MIPOL1: variants seen among roughly 807,000 people sequenced by gnomAD.
MIPOL1 encodes the protein mirror-image polydactyly gene 1 protein.
A neutral mutation model predicts 60.9 loss-of-function variants in MIPOL1; 57 were observed. The ratio of observed to expected loss-of-function variants is 0.94; its 90% CI spans 0.76 to 1.17. The LOEUF is 1.17. Among genes scored for constraint, MIPOL1 ranks in the 50% most tolerant of loss-of-function variants. The probability of loss-of-function intolerance (pLI) is 0.00; values close to 1 mark genes in which losing one functional copy is unlikely to be tolerated. For synonymous variants in MIPOL1, 179 were observed against 168.8 expected (o/e 1.06, Z -0.47); for missense variants, 551 against 511.6 (o/e 1.08, Z -0.74).
rs148709125 is a variant in MIPOL1, at chr14:37,432,998, G to C, written c.1031+10049G>C. On this transcript the variant is annotated intron_variant, in intron 11 of 12. Coordinates refer to ENST00000684589, the MANE Select transcript of MIPOL1 (RefSeq NM_001388067.1). The stretch of plus-strand genomic sequence containing the variant: ...CTCAAACAATTGTGGGGCCTGGCAA[G>C]TCTGAAAATCTCAGAGCAAGCCATC... Among the ~76,000 whole-genome samples, 3 of 152,322 alleles carry C rather than the reference G, an allele frequency of 2.0e-5. No individual in the cohort carries two copies. In the East Asian group the frequency reaches 5.8e-4, roughly 29 times the overall value.
intron 12 of MIPOL1, among the ~76,000 whole-genome samples, chr14:37,545,349 G>A (rs920153561): frequency 6.6e-6 from 1 of 152,112 alleles, no homozygotes; most frequent in Admixed American, 6.5e-5. Context: ...AAGGATTCAT[G>A]TAGTGCTATG....
intron 11 of MIPOL1, among the ~76,000 whole-genome samples, chr14:37,472,152 T>G (rs969656651): frequency 2.0e-5 from 3 of 152,206 alleles, no homozygotes; most frequent in Admixed American, 6.5e-5. Context: ...TATTTAGACC[T>G]CATATCTGAA....
intron 12 of MIPOL1, among the ~76,000 whole-genome samples, chr14:37,537,146 C>CG (rs1015329098): frequency 4.6e-5 from 7 of 152,058 alleles, no homozygotes; most frequent in African/African-American, 1.4e-4. Context: ...TACCTGAACA[C>CG]GGTGGATGAA....
At chr14:37,546,610 A>T (rs2095548424) in intron 12 of MIPOL1, among the ~76,000 whole-genome samples, 1 of 152,184 alleles carries the variant, frequency 6.6e-6, no homozygotes, top group South Asian at 2.1e-4. Flanking sequence ...TGATTCATTC[A>T]CAACCTTAAT....
chr14:37,374,999 T>G (rs994749436), intron 10 of MIPOL1, among the ~76,000 whole-genome samples: 5 of 152,146 alleles, frequency 3.3e-5, no homozygotes, highest in African/African-American at 1.2e-4. Flanking sequence ...ACGATATTGA[T>G]TCTTCTATCC....
Position 37,546,980 on chromosome 14 carries a change from A to G in MIPOL1, c.*9A>G, listed in dbSNP as rs200069885. 4 of 1,613,200 alleles carry G rather than the reference A, an allele frequency of 2.5e-6. No individual in the cohort carries two copies. Among genetic ancestry groups the G allele is most frequent in the Non-Finnish European group, 3.4e-6 (4 of 1,179,348 alleles). On this transcript the variant is annotated 3_prime_UTR_variant, in exon 13 of 13. Transcript: ENST00000684589. The stretch of plus-strand genomic sequence containing the variant: ...TGAGGACAGTGATCTGATTGAAAAA[A>G]AACGACAGTCTGGGGAAGCGATCAC...
chr14:37,346,626 T>C (rs2090965362), intron 9 of MIPOL1, among the ~76,000 whole-genome samples: 1 of 152,030 alleles, frequency 6.6e-6, no homozygotes. Context: ...GATTAAAAAT[T>C]GAGAGGAAAC....
intron 3 of MIPOL1, among the ~76,000 whole-genome samples, chr14:37,256,859 T>A (rs1975023062): frequency 6.6e-6 from 1 of 151,932 alleles, no homozygotes; most frequent in African/African-American, 2.4e-5. Context: ...CCCAAGTCAT[T>A]TGAAATGAAC....
At chr14:37,481,935 C>T (rs2094877271) in intron 11 of MIPOL1, among the ~76,000 whole-genome samples, 1 of 151,964 alleles carries the variant, frequency 6.6e-6, no homozygotes, top group East Asian at 1.9e-4. Context: ...CAAAAGTCAA[C>T]TCAAAATGGT....
chr14:37,216,471 A>G (rs1028186838), intron 1 of MIPOL1, among the ~76,000 whole-genome samples: 2 of 152,246 alleles, frequency 1.3e-5, no homozygotes, highest in South Asian at 2.1e-4. Context: ...GTGAAGAGCT[A>G]CAGAATACAC....
chr14:37,351,848 A>G (rs1305489025), intron 9 of MIPOL1, among the ~76,000 whole-genome samples: 11 of 149,450 alleles, frequency 7.4e-5, no homozygotes, highest in Non-Finnish European at 1.5e-5. Context: ...ATTTTCTCCC[A>G]TTTTGTAGGT....
At chr14:37,443,364 T>A (rs2094279931) in intron 11 of MIPOL1, among the ~76,000 whole-genome samples, 1 of 140,486 alleles carries the variant, frequency 7.1e-6, no homozygotes, top group East Asian at 2.1e-4. Flanking sequence ...GAGGCTGAAA[T>A]GGGAGGATTG....
intron 9 of MIPOL1, among the ~76,000 whole-genome samples, chr14:37,351,612 G>A (rs1324843749): frequency 1.4e-5 from 2 of 144,228 alleles, no homozygotes; most frequent in Non-Finnish European, 3.0e-5. Context: ...TAACTGGTGT[G>A]AGATGGTATC....
chr14:37,400,676 C>T (rs1481058901), intron 10 of MIPOL1: 2 of 152,064 alleles, frequency 1.3e-5, no homozygotes, highest in African/African-American at 2.4e-5. Flanking sequence ...ATTTTTACTC[C>T]AACTACCTAA....
At chr14:37,357,418 T>A (rs2091923963) in intron 9 of MIPOL1, among the ~76,000 whole-genome samples, 1 of 152,140 alleles carries the variant, frequency 6.6e-6, no homozygotes, top group South Asian at 2.1e-4. Flanking sequence ...CCAGCATTTG[T>A]TATTACTTGT....
At chr14:37,433,194 A>G (rs954462517) in intron 11 of MIPOL1, among the ~76,000 whole-genome samples, 1 of 151,846 alleles carries the variant, frequency 6.6e-6, no homozygotes, top group Non-Finnish European at 1.5e-5. Context: ...CTGAGTAGCT[A>G]GGACTACAGG....
At chr14:37,267,451 GTACTC>G (rs2082965438) in intron 4 of MIPOL1, among the ~76,000 whole-genome samples, 1 of 151,760 alleles carries the variant, frequency 6.6e-6, no homozygotes, top group African/African-American at 2.4e-5. Context: ...TTGTGCCACT[GTACTC>G]CAGCCTAGGC....
intron 10 of MIPOL1, among the ~76,000 whole-genome samples, chr14:37,388,091 T>C (rs2093125916): frequency 6.6e-6 from 1 of 151,802 alleles, no homozygotes; most frequent in African/African-American, 2.4e-5. Context: ...GGAAAAACAT[T>C]ATGTAACAAT....
chr14:37,336,953 G>A (rs1002348726), intron 9 of MIPOL1, among the ~76,000 whole-genome samples: 5 of 151,656 alleles, frequency 3.3e-5, no homozygotes, highest in African/African-American at 7.3e-5. Flanking sequence ...GTAGAGATGG[G>A]GTTTCACCAT....
Sources: allele counts gnomAD v4.1 joint callset (sites outside exome capture counted in the v4.1 genomes callset), GRCh38; gene constraint gnomAD v4.1.1; transcripts MANE v1.5; gene names NCBI Gene and HGNC (gene_info 2026-07-23, HGNC 2026-07-21).